SLC9A9: variants seen among roughly 807,000 people sequenced by gnomAD.
The protein encoded by SLC9A9 is solute carrier family 9 member A9, also known as sodium/hydrogen exchanger 9.
In SLC9A9, 62 loss-of-function variants were observed where a neutral mutation model predicts 77.8. That is an observed-to-expected ratio of 0.80 (90% CI 0.65 to 0.98). The LOEUF (loss-of-function observed/expected upper bound fraction) is 0.98. Among genes scored for constraint, SLC9A9 ranks in the 50% least tolerant of loss-of-function variants. SLC9A9 has a pLI of 0.00. For missense variants in SLC9A9, 775 were observed against 774.9 expected, an observed-to-expected ratio of 1.00 and a Z score of 0.00; for synonymous variants, 320 against 283.5, an observed-to-expected ratio of 1.13 and a Z score of -1.29.
chr3:143,436,270 G>T (rs2034620172), intron 12 of SLC9A9, among the ~76,000 whole-genome samples: 1 of 152,200 alleles, frequency 6.6e-6, no homozygotes, highest in Admixed American at 6.5e-5. Flanking sequence ...GTCACCGCAT[G>T]ACCTCCTTCT....
chr3:143,722,327 G>T (rs1001822977), intron 4 of SLC9A9, among the ~76,000 whole-genome samples: 7 of 151,884 alleles, frequency 4.6e-5, no homozygotes, highest in Non-Finnish European at 1.0e-4. Context: ...CAAAAAATTA[G>T]CCGGGCGTAG....
chr3:143,266,971 G>T (rs771988484), intron 15 of SLC9A9, 42 bp from the exon 16 acceptor site: 33 of 1,594,238 alleles, frequency 2.1e-5, no homozygotes, highest in Non-Finnish European at 2.8e-5. Context: ...CATGATGAAG[G>T]CAGAAAACAA....
intron 5 of SLC9A9, among the ~76,000 whole-genome samples, chr3:143,691,880 C>T (rs1295235013): frequency 1.3e-5 from 2 of 152,070 alleles, no homozygotes; most frequent in African/African-American, 2.4e-5. Context: ...GTAATAAAAG[C>T]ATCTTGTTCA....
At chr3:143,360,916 T>C (rs139153513) in intron 14 of SLC9A9, among the ~76,000 whole-genome samples, 2,337 of 152,336 alleles carry the variant, frequency 0.015, 24 homozygotes, top group South Asian at 0.059. Context: ...CGATTGACAC[T>C]AAGCAAAGGA....
chr3:143,503,162 T>C (rs371049663), intron 9 of SLC9A9: 66 of 170,120 alleles, frequency 3.9e-4, no homozygotes, highest in African/African-American at 1.6e-3. Flanking sequence ...GCATGGAAAC[T>C]GTGTCTAGAA....
intron 12 of SLC9A9, among the ~76,000 whole-genome samples, chr3:143,445,260 T>C (rs1193339010): frequency 2.0e-5 from 3 of 152,212 alleles, no homozygotes; most frequent in Admixed American, 2.0e-4. Context: ...AGTGAGTATA[T>C]CACGGGGTTC....
chr3:143,410,433 A>G (rs1401992582), intron 12 of SLC9A9, among the ~76,000 whole-genome samples: 1 of 152,124 alleles, frequency 6.6e-6, no homozygotes, highest in African/African-American at 2.4e-5. Context: ...CTCATATATT[A>G]ATAATATCAC....
At chr3:143,439,547 G>A (rs1333888471) in intron 12 of SLC9A9, among the ~76,000 whole-genome samples, 1 of 152,174 alleles carries the variant, frequency 6.6e-6, no homozygotes, top group Admixed American at 6.5e-5. Flanking sequence ...TGAGCCATGG[G>A]GGCTTTGGGA....
At chr3:143,794,695 T>C (rs891615890) in intron 4 of SLC9A9, among the ~76,000 whole-genome samples, 4 of 152,118 alleles carry the variant, frequency 2.6e-5, no homozygotes, top group African/African-American at 7.2e-5. Context: ...AGTGAGCATA[T>C]CGGCATTACT....
intron 4 of SLC9A9, among the ~76,000 whole-genome samples, chr3:143,742,691 A>C (rs1455678991): frequency 1.3e-5 from 2 of 152,230 alleles, no homozygotes; most frequent in Admixed American, 6.5e-5. Context: ...AAAAACTAGG[A>C]AAGTCAAATA....
In SLC9A9 at chr3:143,731,030, C is replaced by T. The variant is rs137954750; in HGVS notation, c.534-37723G>A. Among the ~76,000 whole-genome samples the T allele has an allele frequency of 4.0e-3, 613 of 152,286 alleles. 7 individuals are homozygous for T. The highest frequency in any genetic ancestry group is 0.014 in the African/African-American group (569 of 41,552). On this transcript the variant is annotated intron_variant, in intron 4 of 15. Coordinates refer to ENST00000316549, the MANE Select transcript of SLC9A9 (RefSeq NM_173653.4). The stretch of plus-strand genomic sequence containing the variant: ...GCAGCATCTTGTTCCAGCCACTACA[C>T]AGAGACACAAGAGCCTCCAGAGACT...
intron 9 of SLC9A9, among the ~76,000 whole-genome samples, chr3:143,508,592 A>T (rs1014298520): frequency 6.6e-6 from 1 of 152,220 alleles, no homozygotes; most frequent in African/African-American, 2.4e-5. Context: ...AGATTCCTTT[A>T]AAAAACTTTC....
At chr3:143,621,560 T>G (rs1054143826) in intron 6 of SLC9A9, among the ~76,000 whole-genome samples, 1 of 152,202 alleles carries the variant, frequency 6.6e-6, no homozygotes, top group Non-Finnish European at 1.5e-5. Context: ...GGGTCCTGAC[T>G]GTTAGAAGGA....
At chr3:143,458,701 C>G (rs1331882213) in intron 12 of SLC9A9, among the ~76,000 whole-genome samples, 1 of 152,008 alleles carries the variant, frequency 6.6e-6, no homozygotes, top group Non-Finnish European at 1.5e-5. Context: ...GAAAACTTAC[C>G]ACTTACAGGT....
At chr3:143,807,522 G>A (rs1380622996) in intron 2 of SLC9A9, among the ~76,000 whole-genome samples, 4 of 152,134 alleles carry the variant, frequency 2.6e-5, no homozygotes, top group South Asian at 2.1e-4. Context: ...ATTACTTGGA[G>A]TAGTGTTTAA....
intron 6 of SLC9A9, among the ~76,000 whole-genome samples, chr3:143,592,976 T>G (rs2037676902): frequency 6.6e-6 from 1 of 152,096 alleles, no homozygotes; most frequent in Non-Finnish European, 1.5e-5. Flanking sequence ...GAGGGAAAAT[T>G]TATGAAATAA....
At chr3:143,818,364 T>C (rs1354170705) in intron 2 of SLC9A9, among the ~76,000 whole-genome samples, 1 of 152,168 alleles carries the variant, frequency 6.6e-6, no homozygotes, top group Non-Finnish European at 1.5e-5. Flanking sequence ...TGGAGTTCAA[T>C]GTCTCAATCT....
chr3:143,668,888 T>C (rs1251238385), intron 5 of SLC9A9, among the ~76,000 whole-genome samples: 2 of 152,174 alleles, frequency 1.3e-5, no homozygotes, highest in African/African-American at 4.8e-5. Flanking sequence ...ACACAATTCC[T>C]TGTCTGTAGC....
At chr3:143,336,805 G>A (rs1204959992) in intron 14 of SLC9A9, among the ~76,000 whole-genome samples, 7 of 152,014 alleles carry the variant, frequency 4.6e-5, no homozygotes, top group Non-Finnish European at 5.9e-5. Context: ...AAGTTCTAGA[G>A]ATCGGTTTTA....
Sources: allele counts gnomAD v4.1 joint callset (sites outside exome capture counted in the v4.1 genomes callset), GRCh38; gene constraint gnomAD v4.1.1; transcripts MANE v1.5; gene names NCBI Gene and HGNC (gene_info 2026-07-23, HGNC 2026-07-21).